KXD1: variants seen among roughly 807,000 people sequenced by gnomAD.
The protein encoded by KXD1 is kxDL motif-containing protein 1.
A neutral mutation model predicts 12.1 loss-of-function variants in KXD1; 5 were observed. The ratio of observed to expected loss-of-function variants is 0.41; its 90% CI spans 0.22 to 0.87. KXD1 has a LOEUF of 0.87. Among genes scored for constraint, KXD1 ranks in the 40% least tolerant of loss-of-function variants. The probability of loss-of-function intolerance (pLI) is 0.31; values close to 1 mark genes in which losing one functional copy is unlikely to be tolerated. For missense variants in KXD1, 193 were observed against 244.9 expected (o/e 0.79, Z 1.41); for synonymous variants, 98 against 100.5 (o/e 0.98, Z 0.15).
chr19:18,564,808 G>C (rs1287228495), intron 2 of KXD1, 61 bp from the exon 3 acceptor site: 14 of 1,591,730 alleles, frequency 8.8e-6, no homozygotes, highest in Non-Finnish European at 1.2e-5. Context: ...AGTCTTCTGG[G>C]CCAGGTTGGG....
chr19:18,562,636 A>AT (rs746560231), intron 2 of KXD1, among the ~76,000 whole-genome samples: 1 of 152,112 alleles, frequency 6.6e-6, no homozygotes, highest in Non-Finnish European at 1.5e-5. Flanking sequence ...TAATTTTTGT[A>AT]TTTTTAGTAG....
In KXD1 at chr19:18,568,478, C is replaced by A; in HGVS notation, c.378C>A (p.Thr126=). The change falls in exon 5 of 5, where the codon ACC becomes ACA. Residue 126 remains threonine (T), a synonymous_variant. Transcript: ENST00000222307. ...IPPSTTTTIA[T]SEQSTGSCDT... ...CCAGCACCACGACCACCATTGCCAC[C>A]TCAGAACAGAGCACGGGCTCATGTG... 2 of 1,614,134 alleles carry A rather than the reference C, an allele frequency of 1.2e-6. No individual in the cohort carries two copies. Among genetic ancestry groups the A allele is most frequent in the Non-Finnish European group, 8.5e-7 (1 of 1,180,022 alleles).
rs1156790161 is a variant in KXD1, at chr19:18,562,167, G to A, written c.101+10G>A. 3.2e-6 allele frequency: 5 copies of A among 1,585,400 alleles called. No individual in the cohort carries two copies. Among genetic ancestry groups the A allele is most frequent in the Non-Finnish European group, 3.4e-6 (4 of 1,163,994 alleles). On this transcript the variant is annotated intron_variant, in intron 2 of 4. Coordinates refer to ENST00000222307, the MANE Select transcript of KXD1 (RefSeq NM_024069.4). ...TGGCCCAGAAGAACATGTGAGTGGC[G>A]GCTGGGGGACCTGAGCGTGGGAAGG...
At chr19:18,565,430 C>T (rs36050418) in intron 3 of KXD1, among the ~76,000 whole-genome samples, 68,517 of 151,682 alleles carry the variant, frequency 0.45, 18,059 homozygotes, top group East Asian at 0.65. Context: ...GGGGTTTCAC[C>T]GTGTTAGTAG....
At position 18,568,403 on chromosome 19, in the gene KXD1, T is replaced by C; in HGVS notation, c.303T>C (p.His101=). The part of the protein sequence containing the change: ...LARQHPEAFS[H]IPEASFLEEE... ...AACTCTTGGGCCTCCTTCCCCCAGA[T>C]ATCCCAGAGGCATCCTTCCTGGAGG... The change falls in exon 5 of 5, where the codon CAT becomes CAC. Residue 101 remains histidine, a splice_region_variant and synonymous_variant. Coordinates refer to ENST00000222307, the MANE Select transcript of KXD1 (RefSeq NM_024069.4). 6.2e-7 allele frequency: 1 copy of C among 1,612,184 alleles called. No individual in the cohort carries two copies. The highest frequency in any genetic ancestry group is 8.5e-7 in the Non-Finnish European group (1 of 1,178,452).
Position 18,567,187 on chromosome 19 carries a change from C to A in KXD1, c.301+9C>A, listed in dbSNP as rs201235922. 1.2e-4 allele frequency: 193 copies of A among 1,614,024 alleles called. No individual in the cohort carries two copies. In the African/African-American group the frequency reaches 2.1e-3, roughly 18 times the overall value. ...CCCAGAGGCCTTCAGCCGTAAGTGT[C>A]ACGCAGGGTTCCTGCTCCCGAGCAC... On this transcript the variant is annotated intron_variant, in intron 4 of 4. Transcript: ENST00000222307.
At chr19:18,567,300 G>A in intron 4 of KXD1, 122 bp downstream of exon 4, 2 of 997,154 alleles carry the variant, frequency 2.0e-6, no homozygotes, top group Non-Finnish European at 3.1e-6. Flanking sequence ...GTGGGTCTGG[G>A]GAAACCTGGG....
chr19:18,567,678 T>C (rs1049384043), intron 4 of KXD1, among the ~76,000 whole-genome samples: 33 of 152,184 alleles, frequency 2.2e-4, no homozygotes, highest in African/African-American at 8.0e-4. Context: ...GCGTGTTCTC[T>C]GGGGTACCAT....
intron 2 of KXD1, 87 bp downstream of exon 2, chr19:18,562,244 A>G: frequency 1.1e-6 from 1 of 940,986 alleles, no homozygotes; most frequent in East Asian, 2.9e-5. Flanking sequence ...CCCGGGGCCC[A>G]CACTGGTGAT....
At chr19:18,566,328 C>T (rs890545312) in intron 3 of KXD1, among the ~76,000 whole-genome samples, 6 of 151,936 alleles carry the variant, frequency 3.9e-5, no homozygotes, top group African/African-American at 1.2e-4. Context: ...ATTAGCTGGG[C>T]GTGGTGGTGG....
intron 3 of KXD1, 76 bp downstream of exon 3, chr19:18,565,097 T>C (rs1309262030): frequency 1.3e-6 from 2 of 1,573,358 alleles, no homozygotes; most frequent in African/African-American, 2.7e-5. Flanking sequence ...TTCCTTCACA[T>C]ACCAGGGTAA....
chr19:18,567,866 C>T (rs959626504), intron 4 of KXD1, among the ~76,000 whole-genome samples: 3 of 152,204 alleles, frequency 2.0e-5, no homozygotes, highest in Non-Finnish European at 2.9e-5. Flanking sequence ...GGTTCGCCCT[C>T]AGGGCTCCTG....
chr19:18,565,749 G>A (rs1003786877), intron 3 of KXD1, among the ~76,000 whole-genome samples: 4 of 152,144 alleles, frequency 2.6e-5, no homozygotes, highest in African/African-American at 9.7e-5. Flanking sequence ...GTGCAGTGGT[G>A]CAATGTCAGC....
intron 1 of KXD1, chr19:18,559,492 G>A (rs1456757639): frequency 6.6e-6 from 1 of 151,962 alleles, no homozygotes; most frequent in Non-Finnish European, 1.5e-5. Flanking sequence ...TGATATCTTG[G>A]AAAAAAGTAT....
At chr19:18,565,875 AC>A (rs1975197950) in intron 3 of KXD1, among the ~76,000 whole-genome samples, 2 of 151,974 alleles carry the variant, frequency 1.3e-5, no homozygotes, top group Non-Finnish European at 2.9e-5. Flanking sequence ...TTTAGTAGAG[AC>A]GAGATTTCAC....
Position 18,567,886 on chromosome 19 carries a change from C to T in KXD1, c.302-516C>T, listed in dbSNP as rs142857942. 2.5e-3 allele frequency among the ~76,000 whole-genome samples: 383 copies of T among 152,306 alleles called. 2 individuals carry two copies. The highest frequency in any genetic ancestry group is 9.0e-3 in the African/African-American group (372 of 41,554). On this transcript the variant is annotated intron_variant, in intron 4 of 4. Coordinates refer to ENST00000222307, the MANE Select transcript of KXD1 (RefSeq NM_024069.4). ...GCCCTCAGGGCTCCTGTAGGCCTAA[C>T]CCCAGATCTTGTGTCCCTTCCTCAC... is the stretch of plus-strand genomic sequence containing the variant.
At chr19:18,567,259 G>A (rs778438541) in intron 4 of KXD1, 81 bp downstream of exon 4, 3 of 1,411,304 alleles carry the variant, frequency 2.1e-6, no homozygotes, top group Non-Finnish European at 3.0e-6. Flanking sequence ...CCACCTTGGG[G>A]CCTGATACTG....
chr19:18,563,692 C>T (rs1975047748), intron 2 of KXD1, among the ~76,000 whole-genome samples: 1 of 152,026 alleles, frequency 6.6e-6, no homozygotes, highest in Admixed American at 6.6e-5. Context: ...TTAGTAGAGA[C>T]GGGGTTTCAC....
intron 1 of KXD1, chr19:18,559,374 GTTA>G (rs1486730356): frequency 6.6e-6 from 1 of 152,102 alleles, no homozygotes; most frequent in Non-Finnish European, 1.5e-5. Flanking sequence ...AATAACCATA[GTTA>G]TTATTAGAGG....
Sources: gnomAD v4.1 joint callset for allele counts (sites outside exome capture counted in the v4.1 genomes callset) on GRCh38, gnomAD v4.1.1 for gene constraint, MANE v1.5 for transcripts, NCBI Gene and HGNC (gene_info 2026-07-23, HGNC 2026-07-21) for gene names.